Variants in ZNF227 observed in about 807,000 individuals in gnomAD.
The protein encoded by ZNF227 is zinc finger protein 227.
In ZNF227, 12 loss-of-function variants were observed where a neutral mutation model predicts 13.2. The observed-to-expected ratio is 0.91, with a 90% CI of 0.58 to 1.47. The LOEUF (loss-of-function observed/expected upper bound fraction) is 1.47. Among genes scored for constraint, ZNF227 ranks in the 40% most tolerant of loss-of-function variants. ZNF227 has a pLI of 0.00. For missense variants in ZNF227, 885 were observed against 967.5 expected (o/e 0.91, Z 1.13); for synonymous variants, 338 against 326.0 (o/e 1.04, Z -0.40).
At chr19:44,211,461 A>G (rs996547759), upstream of ZNF227, among the ~76,000 whole-genome samples, 3 of 152,244 alleles carry the variant, frequency 2.0e-5, no homozygotes, top group Non-Finnish European at 4.4e-5. Context: ...TCTTGGAAAC[A>G]TCAATTCCAT....
chr19:44,235,543 G>C lies in ZNF227; in HGVS notation c.1113G>C (p.Gln371His). 1 of 1,614,170 alleles carries C rather than the reference G, an allele frequency of 6.2e-7. No individual in the cohort carries two copies. The highest frequency in any genetic ancestry group is 1.1e-5 in the South Asian group (1 of 91,088). The change falls in exon 6 of 6, where the codon CAG becomes CAC. Residue 371 changes from glutamine to histidine, a missense_variant. By Grantham distance (24) the Gln-to-His change is conservative. Transcript: ENST00000313040. ...AAAGTTCAAATTTTCAGTGCCATCA[G>C]AGAGTCCACACTGAAGAAAAACCAT... ...FSQSSNFQCH[Q>H]RVHTEEKPYK...
At chr19:44,229,924 G>A (rs1973611747) in intron 5 of ZNF227, 108 bp downstream of exon 5, 2 of 641,852 alleles carry the variant, frequency 3.1e-6, no homozygotes, top group South Asian at 1.0e-4. Flanking sequence ...CTTTCACCTG[G>A]ATTATAACAA....
rs191738984 is a variant in ZNF227, at chr19:44,237,066, A to G, written c.*236A>G. 341 of 422,614 alleles carry G rather than the reference A, an allele frequency of 8.1e-4. No individual in the cohort carries two copies. The highest frequency in any genetic ancestry group is 1.1e-3 in the Non-Finnish European group (274 of 238,932). 26.2% of individuals were successfully genotyped at this position (422,614 alleles called of 1,614,324 possible). On this transcript the variant is annotated 3_prime_UTR_variant, in exon 6 of 6. Transcript: ENST00000313040. ...TCTTGGTAAGATCTAGTTAATATAAATGATCACCTTTCATTGTGAATATAT... is the reference window on the plus strand; with the variant it reads ...TCTTGGTAAGATCTAGTTAATATAAGTGATCACCTTTCATTGTGAATATAT...
upstream of ZNF227, among the ~76,000 whole-genome samples, chr19:44,208,758 T>C (rs1198276716): frequency 6.6e-6 from 1 of 152,172 alleles, no homozygotes; most frequent in Non-Finnish European, 1.5e-5. Flanking sequence ...ATCGTGTATA[T>C]GGTTTGTGGA....
intron 3 of ZNF227, among the ~76,000 whole-genome samples, chr19:44,222,635 G>A (rs1197890316): frequency 6.6e-6 from 1 of 151,748 alleles, no homozygotes; most frequent in African/African-American, 2.4e-5. Context: ...CTTTGCTGAA[G>A]TTGCTTATCA....
chr19:44,236,860 T>C lies in ZNF227; in HGVS notation c.*30T>C. 1.3e-6 allele frequency: 2 copies of C among 1,524,990 alleles called. No homozygotes were observed. The highest frequency in any genetic ancestry group is 1.8e-6 in the Non-Finnish European group (2 of 1,136,850). 94.5% of individuals were successfully genotyped at this position (1,524,990 alleles called of 1,614,324 possible). Reference sequence around the variant, plus strand: ...GAGAAATGTGTTACCAACTTTTGTCTGAATGCACATCTTCAAGTTTTTGGC... The same window carrying C: ...GAGAAATGTGTTACCAACTTTTGTCCGAATGCACATCTTCAAGTTTTTGGC... On this transcript the variant is annotated 3_prime_UTR_variant, in exon 6 of 6. Transcript: ENST00000313040.
Position 44,234,008 on chromosome 19 carries a change from G to C in ZNF227, c.272-694G>C, listed in dbSNP as rs73934498. 2.1e-3 allele frequency among the ~76,000 whole-genome samples: 327 copies of C among 152,268 alleles called. 1 individual carries two copies. The highest frequency in any genetic ancestry group is 7.4e-3 in the African/African-American group (309 of 41,568). On this transcript the variant is annotated intron_variant, in intron 5 of 5. Transcript: ENST00000313040. ...ATGTGAGCAGAGACCTGAAGGGAGC[G>C]AGAGAACAAGCAAGGCTCCCTGCTT...
At position 44,236,990 on chromosome 19, in the gene ZNF227, C is replaced by G. The variant is rs1395418406; in HGVS notation, c.*160C>G. ...ATCCATCAAGATGATAACACAGAACCATGAACAGGAATAGAACTCGTATTT... is the reference window on the plus strand; with the variant it reads ...ATCCATCAAGATGATAACACAGAACGATGAACAGGAATAGAACTCGTATTT... On this transcript the variant is annotated 3_prime_UTR_variant, in exon 6 of 6. Transcript: ENST00000313040. 1 of 611,026 alleles carries G rather than the reference C, an allele frequency of 1.6e-6. No individual in the cohort carries two copies. The highest frequency in any genetic ancestry group is 2.8e-6 in the Non-Finnish European group (1 of 360,256). The allele number at this position is 611,026 out of a possible 1,614,324, so 37.9% of individuals were successfully genotyped here.
At chr19:44,229,504 C>T (rs1031276554) in intron 4 of ZNF227, among the ~76,000 whole-genome samples, 2 of 152,030 alleles carry the variant, frequency 1.3e-5, no homozygotes, top group Admixed American at 6.6e-5. Context: ...CCCAACTACT[C>T]GGGAGGCTGA....
rs745559292 is a variant in ZNF227 at position 44,235,880 on chromosome 19, A to G, written c.1450A>G (p.Arg484Gly). The G allele has an allele frequency of 6.2e-7, 1 of 1,614,106 alleles. No homozygotes were observed. The highest frequency in any genetic ancestry group is 8.5e-7 in the Non-Finnish European group (1 of 1,180,014). ...TAATACAGATCTGCATATTCATTTC[A>G]GAGTTCACACGGGAGAGAAACCCTA... is the stretch of plus-strand genomic sequence containing the variant. ...TRNTDLHIHF[R>G]VHTGEKPYKC... Residue 484 changes from arginine (R) to glycine (G), a missense_variant, in exon 6 of 6, where the codon AGA becomes GGA. Transcript: ENST00000313040.
At position 44,232,504 on chromosome 19, in the gene ZNF227, A is replaced by G. The variant is rs546179850; in HGVS notation, c.272-2198A>G. Reference sequence around the variant, plus strand: ...ACAGTTTTATTATAGCAAAAAAGATACATGTTGGAAGCAGCAAAAGGGAGA... The same window carrying G: ...ACAGTTTTATTATAGCAAAAAAGATGCATGTTGGAAGCAGCAAAAGGGAGA... On this transcript the variant is annotated intron_variant, in intron 5 of 5. Coordinates refer to ENST00000313040, the MANE Select transcript of ZNF227 (RefSeq NM_182490.3). 2.6e-5 allele frequency among the ~76,000 whole-genome samples: 4 copies of G among 152,280 alleles called. No individual in the cohort carries two copies. In the East Asian group the frequency reaches 7.7e-4, roughly 29 times the overall value.
chr19:44,232,673 T>G (rs892943706), intron 5 of ZNF227, among the ~76,000 whole-genome samples: 5 of 143,464 alleles, frequency 3.5e-5, no homozygotes, highest in Non-Finnish European at 1.5e-5. Context: ...TGTTTTTTTG[T>G]TTTTTTTTTT....
intron 5 of ZNF227, 103 bp downstream of exon 5, chr19:44,229,919 A>C: frequency 1.2e-5 from 8 of 685,134 alleles, no homozygotes; most frequent in Non-Finnish European, 1.7e-5. Context: ...AAAATCTTTC[A>C]CCTGGATTAT....
At chr19:44,224,386 A>G (rs1038042083) in intron 3 of ZNF227, among the ~76,000 whole-genome samples, 31 of 152,104 alleles carry the variant, frequency 2.0e-4, no homozygotes, top group Non-Finnish European at 4.4e-4. Context: ...GTCCCCCATT[A>G]TTATTGTGTG....
In ZNF227 at chr19:44,230,933, A is replaced by ATC. The variant is rs1475002871; in HGVS notation, c.271+1118_271+1119insCT. 1.2e-4 allele frequency among the ~76,000 whole-genome samples: 16 copies of ATC among 131,092 alleles called. 1 individual carries two copies. Among genetic ancestry groups the ATC allele is most frequent in the African/African-American group, 5.0e-4 (15 of 30,208 alleles). 86.0% of individuals were successfully genotyped at this position (131,092 alleles called of 152,430 possible). On this transcript the variant is annotated intron_variant, in intron 5 of 5. Coordinates refer to ENST00000313040, the MANE Select transcript of ZNF227 (RefSeq NM_182490.3). The stretch of plus-strand genomic sequence containing the variant: ...CAAAAAAAAAAAAAAAAAAATATAT[A>ATC]TATATATATATATATATATATCTTA...
At chr19:44,221,944 G>A (rs185022891) in intron 3 of ZNF227, among the ~76,000 whole-genome samples, 14,927 of 152,170 alleles carry the variant, frequency 0.098, 1,752 homozygotes, top group African/African-American at 0.26. Flanking sequence ...TTTGTATAAA[G>A]TGTAAGGAAG....
chr19:44,219,984 T>C (rs1357489012), intron 3 of ZNF227, among the ~76,000 whole-genome samples: 2 of 150,890 alleles, frequency 1.3e-5, no homozygotes, highest in Non-Finnish European at 3.0e-5. Context: ...CCTGTGTCCA[T>C]GTGTTCTCAT....
In ZNF227 at chr19:44,222,095, G is replaced by C. The variant is rs1286288761; in HGVS notation, c.60+4243G>C. ...TGTAGATCTGTGGCGTTATTTCTGA[G>C]GGCTCTGTTCTGTTCCATTGATCTA... On this transcript the variant is annotated intron_variant, in intron 3 of 5. Coordinates refer to ENST00000313040, the MANE Select transcript of ZNF227 (RefSeq NM_182490.3). Among the ~76,000 whole-genome samples the C allele has an allele frequency of 2.6e-5, 4 of 151,984 alleles. No individual in the cohort carries two copies. The East Asian group carries it at 7.8e-4, about 29-fold the overall frequency.
intron 3 of ZNF227, chr19:44,227,213 T>TCAAA (rs1208439814): frequency 6.6e-6 from 1 of 152,192 alleles, no homozygotes; most frequent in African/African-American, 2.4e-5. Context: ...TCTGATCCTT[T>TCAAA]CAAACACTTT....
Sources: gnomAD v4.1 joint callset for allele counts (sites outside exome capture counted in the v4.1 genomes callset) on GRCh38, gnomAD v4.1.1 for gene constraint, MANE v1.5 for transcripts, NCBI Gene and HGNC (gene_info 2026-07-23, HGNC 2026-07-21) for gene names.